GRK7: variants seen among roughly 807,000 people sequenced by gnomAD.
The protein encoded by GRK7 is rhodopsin kinase GRK7.
GRK7 carries 24 observed loss-of-function variants against 34.1 expected under a neutral mutation model. That is an observed-to-expected ratio of 0.70 (90% CI 0.51 to 0.99). The LOEUF is 0.99. GRK7 is among the 50% of genes least tolerant of loss of function. GRK7 has a pLI of 0.00. For synonymous variants in GRK7, 256 were observed against 279.4 expected (o/e 0.92, Z 0.84); for missense variants, 644 against 707.3 (o/e 0.91, Z 1.02).
At chr3:141,770,116 C>T (rs867064980) in intron 1 of GRK7, among the ~76,000 whole-genome samples, 4 of 152,044 alleles carry the variant, frequency 2.6e-5, no homozygotes, top group African/African-American at 9.7e-5. Flanking sequence ...GGTTTCACCA[C>T]GTTGGCCAGG....
the GRK7 span, among the ~76,000 whole-genome samples, chr3:141,752,322 G>A: frequency 1.3e-5 from 2 of 152,108 alleles, no homozygotes; most frequent in Non-Finnish European, 2.9e-5. Flanking sequence ...ACCTCACAGA[G>A]GACATTTGGC....
chr3:141,760,364 C>A (rs1383174169), upstream of GRK7, among the ~76,000 whole-genome samples: 73 of 140,872 alleles, frequency 5.2e-4, no homozygotes, highest in Non-Finnish European at 9.3e-4. Flanking sequence ...GCCTTCATTT[C>A]GTTATGTACC....
intron 4 of GRK7, among the ~76,000 whole-genome samples, chr3:141,803,927 GTCTCAACTCCTGA>G (rs1185457159): frequency 3.7e-5 from 2 of 53,372 alleles, no homozygotes; most frequent in Non-Finnish European, 6.5e-5. Flanking sequence ...GACCAGGCTG[GTCTCAACTCCTGA>G]TCTCATGATC....
Position 141,819,341 on chromosome 3 carries a change from G to T in GRK7, c.*2291G>T, listed in dbSNP as rs1466982778. Among the ~76,000 whole-genome samples the T allele has an allele frequency of 6.6e-6, 1 of 152,184 alleles. No homozygotes were observed. The highest frequency in any genetic ancestry group is 1.5e-5 in the Non-Finnish European group (1 of 68,030). On this transcript the variant is annotated 3_prime_UTR_variant, in exon 6 of 6. Transcript: ENST00000682958. Reference sequence around the variant, plus strand: ...AGAGATAAAAAAATAAAAATGTCTTGTTGCATTGGTTCCTTAGTGTGAATT... The same window carrying T: ...AGAGATAAAAAAATAAAAATGTCTTTTTGCATTGGTTCCTTAGTGTGAATT...
upstream of GRK7, among the ~76,000 whole-genome samples, chr3:141,762,366 ACC>A (rs2084559067): frequency 1.4e-5 from 2 of 145,240 alleles, no homozygotes; most frequent in South Asian, 2.4e-4. Context: ...CTGTTGGAAT[ACC>A]CTGCCGTGTG....
chr3:141,805,367 T>G (rs1463400220), intron 4 of GRK7, among the ~76,000 whole-genome samples: 1 of 152,214 alleles, frequency 6.6e-6, no homozygotes, highest in Admixed American at 6.5e-5. Flanking sequence ...AAACATGGCA[T>G]GCACCAGGTG....
chr3:141,808,628 G>T (rs1711060027), intron 5 of GRK7, among the ~76,000 whole-genome samples: 1 of 152,000 alleles, frequency 6.6e-6, no homozygotes, highest in African/African-American at 2.4e-5. Flanking sequence ...CAGGAGAATC[G>T]CTTGAACCCA....
At position 141,817,035 on chromosome 3, in the gene GRK7, GTGTT is replaced by G; in HGVS notation, c.1652_1655del (p.Leu551TyrfsTer18). On this transcript the variant is annotated frameshift_variant, in exon 6 of 6. Transcript: ENST00000682958. LOFTEE classifies it high-confidence loss of function. ...AGGGTAATTCATCCAAGTCTGGCGTGTGTTTGTTATTGTAAATTGCTCTCTTTAC... is the reference window on the plus strand; with the variant it reads ...AGGGTAATTCATCCAAGTCTGGCGTGTGTTATTGTAAATTGCTCTCTTTAC... 6.2e-7 allele frequency: 1 copy of G among 1,600,536 alleles called. No homozygotes were observed. Among genetic ancestry groups the G allele is most frequent in the East Asian group, 2.2e-5 (1 of 44,774 alleles).
At chr3:141,805,029 C>G (rs1253201748) in intron 4 of GRK7, among the ~76,000 whole-genome samples, 1 of 149,532 alleles carries the variant, frequency 6.7e-6, no homozygotes, top group Admixed American at 6.7e-5. Flanking sequence ...CCCACACACG[C>G]ATACACCCAC....
rs778737262 is a variant in GRK7, at chr3:141,778,877, G to A, written c.593G>A (p.Gly198Glu). 2.5e-6 allele frequency: 4 copies of A among 1,610,950 alleles called. No individual in the cohort carries two copies. The highest frequency in any genetic ancestry group is 3.4e-6 in the Non-Finnish European group (4 of 1,178,614). The change falls in exon 3 of 6, where the codon GGG (glycine) becomes GAG (glutamate). Residue 198 changes from glycine (G) to glutamate (E), a missense_variant. Transcript: ENST00000682958. The surrounding 1 kb of genome is among the most constrained non-coding windows in gnomAD (Gnocchi z 4.1). ...TACTTCACTGAGTTCAGAGTGCTGGGGAAAGGTGGTTTTGGGGAGGTAAGT... is the reference window on the plus strand; with the variant it reads ...TACTTCACTGAGTTCAGAGTGCTGGAGAAAGGTGGTTTTGGGGAGGTAAGT... ...DKYFTEFRVL[G>E]KGGFGEVCAV...
chr3:141,753,798 C>A, the GRK7 span, among the ~76,000 whole-genome samples: 2 of 152,190 alleles, frequency 1.3e-5, no homozygotes, highest in African/African-American at 4.8e-5. Flanking sequence ...ATGAAGATAT[C>A]ATTGGTAAAA....
chr3:141,805,685 T>C (rs990221627), intron 4 of GRK7, among the ~76,000 whole-genome samples: 1 of 152,244 alleles, frequency 6.6e-6, no homozygotes, highest in Admixed American at 6.5e-5. Context: ...TTCATGTTTT[T>C]TCTTGTTGTG....
At chr3:141,795,028 C>G (rs767790709) in intron 4 of GRK7, among the ~76,000 whole-genome samples, 6 of 152,136 alleles carry the variant, frequency 3.9e-5, no homozygotes, top group Non-Finnish European at 7.4e-5. Flanking sequence ...ACGGTGTGAT[C>G]AGGGTTGTCT....
At chr3:141,768,830 G>T (rs537126171) in intron 1 of GRK7, among the ~76,000 whole-genome samples, 2 of 151,926 alleles carry the variant, frequency 1.3e-5, no homozygotes, top group Admixed American at 6.6e-5. Flanking sequence ...AGCAGCATTC[G>T]ATGCAGTTGG....
the GRK7 span, among the ~76,000 whole-genome samples, chr3:141,754,432 C>CTTT: frequency 1.8e-3 from 217 of 119,572 alleles, 3 homozygotes; most frequent in African/African-American, 6.3e-3. Context: ...TCACCACTGT[C>CTTT]TTTTTTTTTT....
chr3:141,777,100 C>G (rs1406413251), intron 2 of GRK7, among the ~76,000 whole-genome samples: 2 of 152,082 alleles, frequency 1.3e-5, no homozygotes, highest in African/African-American at 4.8e-5. Flanking sequence ...GCTCTTGGCT[C>G]CACGCGAAGG....
the GRK7 span, among the ~76,000 whole-genome samples, chr3:141,756,690 G>T: frequency 6.6e-6 from 1 of 152,058 alleles, no homozygotes; most frequent in Non-Finnish European, 1.5e-5. Flanking sequence ...GAAAGAGATG[G>T]CTATTATTAT....
chr3:141,780,545 A>T lies in GRK7; in HGVS notation c.784A>T (p.Thr262Ser). The stretch of plus-strand genomic sequence containing the variant: ...TCTGGCCTATGCCTTTGAGAGCAAG[A>T]CCCATCTCTGCCTTGTCATGAGCCT... ...VSLAYAFESK[T>S]HLCLVMSLMN... The change falls in exon 4 of 6, where the codon ACC becomes TCC. Residue 262 changes from threonine (T) to serine (S), a missense_variant. Transcript: ENST00000682958. 6 of 1,614,238 alleles carry T rather than the reference A, an allele frequency of 3.7e-6. No homozygotes were observed. Among genetic ancestry groups the T allele is most frequent in the Non-Finnish European group, 5.1e-6 (6 of 1,180,042 alleles).
intron 4 of GRK7, among the ~76,000 whole-genome samples, chr3:141,802,754 C>T (rs1392706022): frequency 3.9e-5 from 6 of 152,212 alleles, no homozygotes; most frequent in South Asian, 2.1e-4. Context: ...GATGACATGT[C>T]GGCAATATAG....
Sources: allele counts gnomAD v4.1 joint callset (sites outside exome capture counted in the v4.1 genomes callset), GRCh38; gene constraint gnomAD v4.1.1; non-coding constraint Gnocchi (gnomAD v3.1); transcripts MANE v1.5; gene names NCBI Gene and HGNC (gene_info 2026-07-23, HGNC 2026-07-21).